The following HSH2D variants were observed in gnomAD, a reference collection of about 807,000 sequenced individuals.
The protein encoded by HSH2D is hematopoietic SH2 domain-containing protein.
A neutral mutation model predicts 21.5 loss-of-function variants in HSH2D; 16 were observed. The ratio of observed to expected loss-of-function variants is 0.74; its 90% CI spans 0.50 to 1.13. The LOEUF (loss-of-function observed/expected upper bound fraction) is 1.13, where lower values mean the gene tolerates loss of function less well. Ranked by LOEUF, HSH2D falls within the 50% of genes most tolerant of loss-of-function variation. The pLI, the probability that HSH2D is intolerant of heterozygous loss-of-function variation, is 0.00. For missense variants in HSH2D, 418 were observed against 441.4 expected, an observed-to-expected ratio of 0.95 and a Z score of 0.47; for synonymous variants, 172 against 184.7, an observed-to-expected ratio of 0.93 and a Z score of 0.56.
At chr19:16,145,033 TG>T (rs200686905) in intron 1 of HSH2D, among the ~76,000 whole-genome samples, 1 of 131,896 alleles carries the variant, frequency 7.6e-6, no homozygotes, top group Non-Finnish European at 1.6e-5. Context: ...GTTTTTTTTT[TG>T]GGGTTTTTTT....
chr19:16,148,909 C>G (rs370834374), intron 2 of HSH2D, 34 bp downstream of exon 2: 30 of 1,577,560 alleles, frequency 1.9e-5, no homozygotes, highest in Non-Finnish European at 7.8e-6. Flanking sequence ...ACCCTGCCCT[C>G]CCCACCCTGT....
intron 5 of HSH2D, chr19:16,154,875 G>T: frequency 5.5e-6 from 1 of 183,392 alleles, no homozygotes; most frequent in Non-Finnish European, 1.2e-5. Flanking sequence ...CAGACCTAAA[G>T]CAACACCTTC....
At chr19:16,142,719 T>C (rs2091011922), upstream of HSH2D, among the ~76,000 whole-genome samples, 1 of 152,118 alleles carries the variant, frequency 6.6e-6, no homozygotes, top group Admixed American at 6.6e-5. Context: ...CACCTTGGCC[T>C]CCCAAAGTGC....
upstream of HSH2D, among the ~76,000 whole-genome samples, chr19:16,140,267 C>T (rs2090991194): frequency 6.6e-6 from 1 of 151,828 alleles, no homozygotes; most frequent in Non-Finnish European, 1.5e-5. Context: ...TGCACCACTG[C>T]ACTCCAGCCT....
At chr19:16,137,721 A>G (rs1041002566) in intron 1 of HSH2D, among the ~76,000 whole-genome samples, 1 of 152,228 alleles carries the variant, frequency 6.6e-6, no homozygotes, top group East Asian at 1.9e-4. Context: ...AGCTGGTACT[A>G]CAGGTGCATA....
intron 1 of HSH2D, among the ~76,000 whole-genome samples, chr19:16,144,687 T>TG (rs1491519819): frequency 2.4e-5 from 1 of 41,134 alleles, no homozygotes; most frequent in Non-Finnish European, 9.9e-5. Flanking sequence ...TTCTAGGCTC[T>TG]TTTTTTTTTT....
intron 1 of HSH2D, among the ~76,000 whole-genome samples, chr19:16,144,883 G>A (rs1160667721): frequency 1.3e-5 from 2 of 150,008 alleles, no homozygotes; most frequent in Admixed American, 6.7e-5. Context: ...TAGTAGAGAC[G>A]GGGTTTCACC....
At chr19:16,143,161 T>G (rs2091017251), upstream of HSH2D, among the ~76,000 whole-genome samples, 2 of 151,920 alleles carry the variant, frequency 1.3e-5, no homozygotes, top group Non-Finnish European at 2.9e-5. Context: ...CTCTGCTCAC[T>G]GCAACCTCCG....
chr19:16,146,290 G>A (rs1873188195), intron 1 of HSH2D, among the ~76,000 whole-genome samples: 2 of 152,136 alleles, frequency 1.3e-5, no homozygotes, highest in African/African-American at 4.8e-5. Context: ...TGATGCATCT[G>A]ACATATCGTA....
rs1003817788 is a variant in HSH2D, at chr19:16,143,900, G to C, written c.-28+126G>C. On this transcript the variant is annotated intron_variant, in intron 1 of 5. Transcript: ENST00000613986. Reference sequence around the variant, plus strand: ...GGATTTTCTAGGGGCATGGGGGAGAGCTTCGTGGAGGAGGGGGTATTTGTG... The same window carrying C: ...GGATTTTCTAGGGGCATGGGGGAGACCTTCGTGGAGGAGGGGGTATTTGTG... The C allele has an allele frequency of 3.9e-4, 105 of 268,060 alleles. 5 individuals carry two copies. The highest frequency in any genetic ancestry group is 2.8e-3 in the South Asian group (105 of 38,084). The allele number at this position is 268,060 out of a possible 1,614,324, so 16.6% of individuals were successfully genotyped here.
upstream of HSH2D, among the ~76,000 whole-genome samples, chr19:16,139,529 C>T (rs1038852547): frequency 4.6e-5 from 7 of 152,240 alleles, no homozygotes; most frequent in African/African-American, 1.7e-4. Flanking sequence ...TTGCAGGGAG[C>T]TATGATGGCA....
At chr19:16,140,311 A>T (rs1037576657), upstream of HSH2D, among the ~76,000 whole-genome samples, 1 of 152,022 alleles carries the variant, frequency 6.6e-6, no homozygotes, top group African/African-American at 2.4e-5. Flanking sequence ...TCAAAAAAAT[A>T]AAAAATAAAA....
intron 1 of HSH2D, among the ~76,000 whole-genome samples, chr19:16,134,648 C>G (rs2090948217): frequency 6.6e-6 from 1 of 152,152 alleles, no homozygotes; most frequent in African/African-American, 2.4e-5. Flanking sequence ...CAGCCCTGAC[C>G]CTGGACTCCA....
At chr19:16,145,702 A>C (rs952432831) in intron 1 of HSH2D, among the ~76,000 whole-genome samples, 2 of 152,212 alleles carry the variant, frequency 1.3e-5, no homozygotes, top group Non-Finnish European at 1.5e-5. Context: ...GAGACAGCCC[A>C]GTAAAAAGAT....
intron 2 of HSH2D, among the ~76,000 whole-genome samples, chr19:16,150,209 A>C (rs147302055): frequency 5.8e-4 from 89 of 152,246 alleles, no homozygotes; most frequent in African/African-American, 2.1e-3. Flanking sequence ...CAGGAGTTCA[A>C]GGCTGGCCTG....
At chr19:16,144,250 G>C (rs1425490246) in intron 1 of HSH2D, among the ~76,000 whole-genome samples, 3 of 152,028 alleles carry the variant, frequency 2.0e-5, no homozygotes, top group Non-Finnish European at 4.4e-5. Context: ...CCTCAGGCTG[G>C]TGGAGACAGA....
upstream of HSH2D, among the ~76,000 whole-genome samples, chr19:16,142,873 A>G (rs2091013707): frequency 6.6e-6 from 1 of 152,184 alleles, no homozygotes. Context: ...CCCTGGTCCA[A>G]GCGATTCTCT....
Position 16,147,240 on chromosome 19 carries a change from T to G in HSH2D, c.-27-1484T>G, listed in dbSNP as rs552222206. ...TGGCTCACACCTGTAATGCTAGCAC[T>G]TTGGGAGGCTGACACAGGTGGATTT... On this transcript the variant is annotated intron_variant, in intron 1 of 5. Transcript: ENST00000613986. Among the ~76,000 whole-genome samples, 24 of 152,028 alleles carry G rather than the reference T, an allele frequency of 1.6e-4. 1 individual carries two copies. Among genetic ancestry groups the G allele is most frequent in the Admixed American group, 5.9e-4 (9 of 15,282 alleles).
At chr19:16,147,376 T>C (rs1025044191) in intron 1 of HSH2D, among the ~76,000 whole-genome samples, 1 of 148,518 alleles carries the variant, frequency 6.7e-6, no homozygotes, top group Non-Finnish European at 1.5e-5. Context: ...CCCAGCTACT[T>C]GGGGGACTGA....
Sources: gnomAD v4.1 joint callset for allele counts (sites outside exome capture counted in the v4.1 genomes callset) on GRCh38, gnomAD v4.1.1 for gene constraint, MANE v1.5 for transcripts, NCBI Gene and HGNC (gene_info 2026-07-23, HGNC 2026-07-21) for gene names.